LARGE1: variants seen among roughly 807,000 people sequenced by gnomAD.
The protein encoded by LARGE1 is xylosyl- and glucuronyltransferase LARGE1.
In LARGE1, 43 loss-of-function variants were observed where a neutral mutation model predicts 87.6. The ratio of observed to expected loss-of-function variants is 0.49; its 90% confidence interval spans 0.38 to 0.63. LARGE1 has a LOEUF of 0.63. LARGE1 is among the 30% of genes least tolerant of loss of function. The probability of loss-of-function intolerance (pLI) is 0.00; values close to 1 mark genes in which losing one functional copy is unlikely to be tolerated. For synonymous variants in LARGE1, 434 were observed against 394.6 expected (o/e 1.10, Z -1.18); for missense variants, 802 against 1,000.2 (o/e 0.80, Z 2.67).
the LARGE1 span, among the ~76,000 whole-genome samples, chr22:33,093,806 T>C: frequency 6.9e-6 from 1 of 145,860 alleles, no homozygotes; most frequent in Non-Finnish European, 1.5e-5. Flanking sequence ...CCTTGATTCT[T>C]TTTTTTTCTT....
At chr22:33,452,583 G>GA (rs1470120994) in intron 6 of LARGE1, among the ~76,000 whole-genome samples, 2 of 152,160 alleles carry the variant, frequency 1.3e-5, no homozygotes, top group African/African-American at 4.8e-5. Flanking sequence ...TCTGCCTGGG[G>GA]GGACATCTGT....
chr22:33,256,787 A>G (rs2145733127), intron 11 of LARGE1, among the ~76,000 whole-genome samples: 1 of 152,310 alleles, frequency 6.6e-6, no homozygotes, highest in South Asian at 2.1e-4. Context: ...TCATATATTC[A>G]TTTTGCAGAC....
At chr22:33,815,937 A>C (rs1002054154) in intron 1 of LARGE1, among the ~76,000 whole-genome samples, 1 of 152,190 alleles carries the variant, frequency 6.6e-6, no homozygotes, top group Non-Finnish European at 1.5e-5. Context: ...AGTACTACTT[A>C]TGAGACTATC....
At chr22:33,339,225 A>G (rs1384325263) in intron 9 of LARGE1, among the ~76,000 whole-genome samples, 1 of 151,844 alleles carries the variant, frequency 6.6e-6, no homozygotes, top group East Asian at 1.9e-4. Context: ...TCAAAGAAGA[A>G]GATGCTTGTG....
chr22:33,085,801 G>C, the LARGE1 span, among the ~76,000 whole-genome samples: 1 of 152,102 alleles, frequency 6.6e-6, no homozygotes, highest in Non-Finnish European at 1.5e-5. Flanking sequence ...TTCAAATTTA[G>C]CTTGTTTATA....
intron 6 of LARGE1, among the ~76,000 whole-genome samples, chr22:33,457,758 A>AAAGAATAAGTAAGAGTTTATTGGGC (rs2068199946): frequency 6.6e-6 from 1 of 152,174 alleles, no homozygotes; most frequent in Non-Finnish European, 1.5e-5. Context: ...GTTGGGTCTT[A>AAAGAATAAGTAAGAGTTTATTGGGC]AAGAATAAGT....
intron 11 of LARGE1, among the ~76,000 whole-genome samples, chr22:33,267,257 AC>A (rs1166827544): frequency 6.6e-6 from 1 of 151,202 alleles, no homozygotes; most frequent in Admixed American, 6.6e-5. Context: ...AACAAATAAA[AC>A]CCCAAAAAAT....
intron 9 of LARGE1, among the ~76,000 whole-genome samples, chr22:33,373,124 A>G (rs1048137936): frequency 9.8e-5 from 15 of 152,332 alleles, no homozygotes; most frequent in African/African-American, 3.4e-4. Flanking sequence ...GGATAAATTT[A>G]TAAAAGAAAT....
intron 4 of LARGE1, among the ~76,000 whole-genome samples, chr22:33,605,430 TG>T (rs2079226032): frequency 6.6e-6 from 1 of 152,136 alleles, no homozygotes; most frequent in African/African-American, 2.4e-5. Flanking sequence ...AGGTCTGAAA[TG>T]TATGAGTGGG....
chr22:33,165,553 T>C (rs953098890), exon 12 of LARGE1: 2 of 152,204 alleles, frequency 1.3e-5, no homozygotes, highest in Non-Finnish European at 2.9e-5. Context: ...CCTTTACTAA[T>C]ATGCAGGTTT....
At chr22:33,900,919 C>T (rs183857089) in intron 1 of LARGE1, among the ~76,000 whole-genome samples, 4 of 152,198 alleles carry the variant, frequency 2.6e-5, no homozygotes, top group Admixed American at 1.3e-4. Flanking sequence ...TGGTGACACA[C>T]GCCTGTAATC....
Position 33,316,102 on chromosome 22 carries a change from A to C in LARGE1, c.1434T>G (p.Ala478=), listed in dbSNP as rs2146303266. The change falls in exon 11 of 15, where the codon GCT becomes GCG. Residue 478 remains alanine (A), a synonymous_variant. Coordinates refer to ENST00000397394, the MANE Select transcript of LARGE1 (RefSeq NM_133642.5). ...TGCCATACCTGTCCATGGACAGCTG[A>C]GCGACCAGGGTGACGTCCGTGCTGT... is the stretch of plus-strand genomic sequence containing the variant. The part of the protein sequence containing the change: ...AADSTDVTLV[A]QLSMDRLQML... 3.1e-6 allele frequency: 5 copies of C among 1,613,854 alleles called. No individual in the cohort carries two copies. Among genetic ancestry groups the C allele is most frequent in the Non-Finnish European group, 4.2e-6 (5 of 1,179,866 alleles).
chr22:33,116,999 C>T, the LARGE1 span, among the ~76,000 whole-genome samples: 1 of 152,148 alleles, frequency 6.6e-6, no homozygotes, highest in African/African-American at 2.4e-5. Context: ...TGGAGGGCCC[C>T]AGGAAACTGC....
At chr22:33,794,583 T>C (rs1037763465) in intron 1 of LARGE1, among the ~76,000 whole-genome samples, 12 of 152,150 alleles carry the variant, frequency 7.9e-5, no homozygotes, top group Non-Finnish European at 1.8e-4. Flanking sequence ...TTCTTATCCA[T>C]CCAGAAACCA....
intron 6 of LARGE1, among the ~76,000 whole-genome samples, chr22:33,449,539 T>C (rs2067825846): frequency 6.6e-6 from 1 of 152,236 alleles, no homozygotes; most frequent in Non-Finnish European, 1.5e-5. Context: ...TGGTATGTAC[T>C]GCCAGTTCAT....
intron 2 of LARGE1, among the ~76,000 whole-genome samples, chr22:33,701,853 T>G (rs1330492926): frequency 1.3e-5 from 2 of 152,192 alleles, no homozygotes; most frequent in Non-Finnish European, 2.9e-5. Context: ...GCAAGTGGAA[T>G]CCATGGTGAC....
chr22:33,191,150 TG>T (rs1309368125), intron 11 of LARGE1, among the ~76,000 whole-genome samples: 1 of 152,238 alleles, frequency 6.6e-6, no homozygotes, highest in African/African-American at 2.4e-5. Flanking sequence ...ATTCATAAGA[TG>T]TTTTTTCAAT....
intron 1 of LARGE1, among the ~76,000 whole-genome samples, chr22:33,877,319 C>T (rs16993211): frequency 0.058 from 8,815 of 152,110 alleles, 876 homozygotes; most frequent in African/African-American, 0.2. Flanking sequence ...TCAAGATTAT[C>T]CCTCCATTTG....
At chr22:33,146,480 G>C in the LARGE1 span, among the ~76,000 whole-genome samples, 122 of 152,174 alleles carry the variant, frequency 8.0e-4, no homozygotes, top group Middle Eastern at 3.4e-3. Flanking sequence ...GTGCTTTCAG[G>C]GTTCATATTT....
Sources: allele counts gnomAD v4.1 joint callset (sites outside exome capture counted in the v4.1 genomes callset), GRCh38; gene constraint gnomAD v4.1.1; transcripts MANE v1.5; gene names NCBI Gene and HGNC (gene_info 2026-07-23, HGNC 2026-07-21).